The following ANK2 variants were observed in gnomAD, a reference collection of about 807,000 sequenced individuals.
ANK2 encodes ankyrin-2.
Under a neutral mutation model 360.5 loss-of-function variants are expected in ANK2, and 83 were observed. The observed-to-expected ratio is 0.23, with a 90% confidence interval of 0.19 to 0.28. The LOEUF (loss-of-function observed/expected upper bound fraction) is 0.28. ANK2 is among the 10% of genes least tolerant of loss of function. The pLI, the probability that ANK2 is intolerant of heterozygous loss-of-function variation, is 1.00. For missense variants in ANK2, 4,201 were observed against 4,795.7 expected, an observed-to-expected ratio of 0.88 and a Z score of 3.66; for synonymous variants, 1,740 against 1,759.5, an observed-to-expected ratio of 0.99 and a Z score of 0.28.
At chr4:112,987,429 T>A (rs1578406075) in intron 2 of ANK2, among the ~76,000 whole-genome samples, 1 of 152,160 alleles carries the variant, frequency 6.6e-6, no homozygotes, top group East Asian at 1.9e-4. Flanking sequence ...AGATTCAGAT[T>A]GGAGGCTGAA....
intron 1 of ANK2, among the ~76,000 whole-genome samples, chr4:113,150,712 A>G (rs2097036418): frequency 6.6e-6 from 1 of 152,222 alleles, no homozygotes; most frequent in Non-Finnish European, 1.5e-5. Context: ...GTCCTGAAGC[A>G]TTATGGGAAG....
chr4:112,982,816 A>T (rs1026630454), intron 2 of ANK2, among the ~76,000 whole-genome samples: 14 of 152,196 alleles, frequency 9.2e-5, no homozygotes, highest in African/African-American at 3.1e-4. Flanking sequence ...AAGCGATTCT[A>T]AAAAAATCCC....
intron 1 of ANK2, among the ~76,000 whole-genome samples, chr4:112,868,588 T>G (rs1476852484): frequency 6.6e-6 from 1 of 152,274 alleles, no homozygotes; most frequent in Non-Finnish European, 1.5e-5. Flanking sequence ...TAAATTTCAA[T>G]GTAAGCTTTG....
intron 1 of ANK2, among the ~76,000 whole-genome samples, chr4:112,828,811 C>T (rs1030846958): frequency 2.0e-5 from 3 of 152,106 alleles, no homozygotes; most frequent in Non-Finnish European, 4.4e-5. Flanking sequence ...GTCTAATATC[C>T]GGAATCTATA....
chr4:113,311,080 T>C (rs1444026708), intron 23 of ANK2, among the ~76,000 whole-genome samples, 175 bp from the exon 24 acceptor site: 4 of 152,250 alleles, frequency 2.6e-5, no homozygotes, highest in African/African-American at 7.2e-5. Context: ...TCAAATGTTG[T>C]TTCTCTAAGT....
At chr4:113,281,583 C>T (rs980920823) in intron 17 of ANK2, among the ~76,000 whole-genome samples, 2 of 152,004 alleles carry the variant, frequency 1.3e-5, no homozygotes, top group Admixed American at 1.3e-4. Flanking sequence ...TCACAAGAAG[C>T]ACTTGGTCAT....
chr4:112,832,265 C>G (rs138889610), intron 1 of ANK2, among the ~76,000 whole-genome samples: 148 of 152,294 alleles, frequency 9.7e-4, no homozygotes, highest in Non-Finnish European at 1.5e-3. Flanking sequence ...GTTAACCAGG[C>G]TGGGTTCTAA....
Position 113,343,082 on chromosome 4 carries a change from C to A in ANK2, c.4188C>A (p.Gly1396=), listed in dbSNP as rs2094468378. ...ACTTGGTACCATTAACTAAAAGTGG[C>A]CAGCATCATATATTCAGTTTTTTTG... The part of the protein sequence containing the change: ...FGNLVPLTKS[G]QHHIFSFFAF... The change falls in exon 34 of 46, where the codon GGC becomes GGA. Residue 1396 remains glycine, a synonymous_variant. Transcript: ENST00000357077. 6.2e-7 allele frequency: 1 copy of A among 1,613,654 alleles called. No homozygotes were observed. The highest frequency in any genetic ancestry group is 8.5e-7 in the Non-Finnish European group (1 of 1,179,768).
chr4:113,343,244 A>C (rs1469899460), intron 34 of ANK2, 102 bp downstream of exon 34: 1 of 1,308,612 alleles, frequency 7.6e-7, no homozygotes, highest in Non-Finnish European at 1.1e-6. Context: ...TCATCTTCAG[A>C]GTTTTCTTTT....
chr4:113,039,613 T>C (rs1477614631), intron 2 of ANK2, among the ~76,000 whole-genome samples: 1 of 151,948 alleles, frequency 6.6e-6, no homozygotes, highest in Non-Finnish European at 1.5e-5. Flanking sequence ...CCTGAATTCA[T>C]TTTAGCCGAA....
intron 2 of ANK2, among the ~76,000 whole-genome samples, chr4:112,939,931 A>G (rs2094081589): frequency 6.6e-6 from 1 of 152,250 alleles, no homozygotes; most frequent in African/African-American, 2.4e-5. Context: ...TCAGTTATTA[A>G]CAAAAATGTC....
At chr4:113,156,720 TA>T (rs2097312339) in intron 1 of ANK2, among the ~76,000 whole-genome samples, 1 of 151,822 alleles carries the variant, frequency 6.6e-6, no homozygotes, top group Non-Finnish European at 1.5e-5. Flanking sequence ...TAAGTTTGAC[TA>T]ATGGGATTAT....
intron 1 of ANK2, among the ~76,000 whole-genome samples, chr4:113,092,716 TCC>T (rs2089076258): frequency 6.6e-6 from 1 of 152,184 alleles, no homozygotes; most frequent in Non-Finnish European, 1.5e-5. Flanking sequence ...AATACCTACC[TCC>T]TATTATTATA....
chr4:112,904,938 TG>T (rs1188918542), intron 2 of ANK2, among the ~76,000 whole-genome samples: 1 of 152,198 alleles, frequency 6.6e-6, no homozygotes, highest in Non-Finnish European at 1.5e-5. Context: ...GCTATAAGGT[TG>T]TCAATAAAGT....
chr4:113,314,908 C>T (rs1196140206), intron 24 of ANK2, among the ~76,000 whole-genome samples: 1 of 151,908 alleles, frequency 6.6e-6, no homozygotes, highest in Non-Finnish European at 1.5e-5. Flanking sequence ...GAATACAACC[C>T]ATAGAAAGGT....
intron 1 of ANK2, among the ~76,000 whole-genome samples, chr4:112,886,302 T>G (rs1368137140): frequency 6.6e-6 from 1 of 152,134 alleles, no homozygotes; most frequent in African/African-American, 2.4e-5. Context: ...ATTAGGTACC[T>G]TAAGTGTTCT....
intron 2 of ANK2, among the ~76,000 whole-genome samples, chr4:113,193,454 T>C (rs1269608715): frequency 3.9e-5 from 6 of 152,210 alleles, no homozygotes; most frequent in Non-Finnish European, 8.8e-5. Context: ...GAAGCCGCTG[T>C]GGAAGAGAAG....
intron 42 of ANK2, 124 bp downstream of exon 42, chr4:113,367,975 G>A (rs1306598872): frequency 1.7e-6 from 2 of 1,191,288 alleles, no homozygotes; most frequent in Non-Finnish European, 2.4e-6. Flanking sequence ...AAACACAAGT[G>A]CCAGAGCTAA....
chr4:112,838,086 G>C (rs1281801861), intron 1 of ANK2, among the ~76,000 whole-genome samples: 1 of 152,160 alleles, frequency 6.6e-6, no homozygotes, highest in Non-Finnish European at 1.5e-5. Context: ...GTCCCCACAT[G>C]TTGAGGGAGG....
Sources: gnomAD v4.1 joint callset for allele counts (sites outside exome capture counted in the v4.1 genomes callset) on GRCh38, gnomAD v4.1.1 for gene constraint, MANE v1.5 for transcripts, NCBI Gene and HGNC (gene_info 2026-07-23, HGNC 2026-07-21) for gene names.